The following PLCH1 variants were observed in gnomAD, a reference collection of about 807,000 sequenced individuals.
PLCH1 encodes the protein phospholipase C eta 1, also known as 1-phosphatidylinositol 4,5-bisphosphate phosphodiesterase eta-1.
PLCH1 carries 60 observed loss-of-function variants against 126.7 expected under a neutral mutation model. The ratio of observed to expected loss-of-function variants is 0.47; its 90% CI spans 0.38 to 0.59. The LOEUF (loss-of-function observed/expected upper bound fraction) is 0.59, where lower values mean the gene tolerates loss of function less well. Ranked by LOEUF, PLCH1 falls within the 20% of genes least tolerant of loss-of-function variation. The probability of loss-of-function intolerance (pLI) is 0.00; values close to 1 mark genes in which losing one functional copy is unlikely to be tolerated. For missense variants in PLCH1, 1,723 were observed against 2,040.0 expected (o/e 0.84, Z 2.99); for synonymous variants, 719 against 734.9 (o/e 0.98, Z 0.35).
chr3:155,627,498 G>A (rs1737458693), intron 2 of PLCH1, among the ~76,000 whole-genome samples: 1 of 151,992 alleles, frequency 6.6e-6, no homozygotes, highest in Non-Finnish European at 1.5e-5. Context: ...GCCCGGCGTG[G>A]TGGCGGGTGC....
chr3:155,641,122 C>T (rs888937781), intron 2 of PLCH1, among the ~76,000 whole-genome samples: 1 of 151,634 alleles, frequency 6.6e-6, no homozygotes, highest in Non-Finnish European at 1.5e-5. Flanking sequence ...AAGAATTTAG[C>T]TTTCTACAAT....
chr3:155,539,969 C>A (rs957377279), intron 10 of PLCH1, among the ~76,000 whole-genome samples: 10 of 152,090 alleles, frequency 6.6e-5, no homozygotes, highest in African/African-American at 2.4e-4. Context: ...GGACGCATAA[C>A]ATTACCTGAC....
rs564706495 is a variant in PLCH1, at chr3:155,530,325, ACTT to A, written c.1363-6324_1363-6322del. Among the ~76,000 whole-genome samples, 399 of 147,164 alleles carry A rather than the reference ACTT, an allele frequency of 2.7e-3. 3 individuals are homozygous for A. The highest frequency in any genetic ancestry group is 0.02 in the South Asian group (92 of 4,632). ...GAGATTGCAGCAATCTTCAGGCTCC[ACTT>A]CTTTTTTTTTTTTTTGAGATGGAGT... On this transcript the variant is annotated intron_variant, in intron 10 of 22. Coordinates refer to ENST00000460012, the MANE Select transcript of PLCH1 (RefSeq NM_014996.4).
chr3:155,594,413 T>TA (rs1482414336), intron 3 of PLCH1, among the ~76,000 whole-genome samples: 188 of 147,820 alleles, frequency 1.3e-3, no homozygotes, highest in African/African-American at 3.7e-3. Context: ...TCTGCTAAAA[T>TA]AAAAAAAAAA....
intron 2 of PLCH1, among the ~76,000 whole-genome samples, chr3:155,632,521 C>T (rs1481249176): frequency 6.6e-6 from 1 of 152,152 alleles, no homozygotes; most frequent in Non-Finnish European, 1.5e-5. Flanking sequence ...TTTGCCTTCT[C>T]TTCTGTATTG....
Position 155,506,340 on chromosome 3 carries a change from ACT to A in PLCH1, c.1633-1716_1633-1715del, listed in dbSNP as rs1457539223. ...CTCCAACATTTTCTATCCCATTCTC[ACT>A]CTCTTTTTTTTTTTTTTTTTTTATT... On this transcript the variant is annotated intron_variant, in intron 12 of 22. Coordinates refer to ENST00000460012, the MANE Select transcript of PLCH1 (RefSeq NM_014996.4). 1.5e-3 allele frequency among the ~76,000 whole-genome samples: 180 copies of A among 120,478 alleles called. 1 individual carries two copies. Among genetic ancestry groups the A allele is most frequent in the Non-Finnish European group, 2.6e-3 (152 of 59,058 alleles). 79.0% of individuals were successfully genotyped at this position (120,478 alleles called of 152,430 possible). A position where few individuals can be genotyped will look rare whatever the true frequency, so the allele number is the denominator to read the frequency against.
intron 2 of PLCH1, among the ~76,000 whole-genome samples, chr3:155,607,642 A>G (rs905450301): frequency 6.6e-6 from 1 of 152,102 alleles, no homozygotes; most frequent in Non-Finnish European, 1.5e-5. Flanking sequence ...GGGTTTCACC[A>G]TGTTGGCCAG....
chr3:155,452,308 C>A (rs9289955), intron 21 of PLCH1, among the ~76,000 whole-genome samples: 31,791 of 151,906 alleles, frequency 0.21, 3,546 homozygotes, highest in East Asian at 0.42. Context: ...GGGAATTGCC[C>A]CATGCTTCAA....
rs576504876 is a variant in PLCH1, at chr3:155,511,636, TG to T, written c.1632+3086del. Among the ~76,000 whole-genome samples, 56 of 140,700 alleles carry T rather than the reference TG, an allele frequency of 4.0e-4. 5 individuals carry two copies. In the South Asian group the frequency reaches 0.013, roughly 32 times the overall value. The allele number at this position is 140,700 out of a possible 152,430, so 92.3% of individuals were successfully genotyped here. ...GTGTGAGGTGTCAGTGTGCCCCTGC[TG>T]GGGGGTGCCTCCCAGTTAGGCTGCT... On this transcript the variant is annotated intron_variant, in intron 12 of 22. Coordinates refer to ENST00000460012, the MANE Select transcript of PLCH1 (RefSeq NM_014996.4).
At chr3:155,737,537 C>T (rs1749290649) in intron 1 of PLCH1, among the ~76,000 whole-genome samples, 2 of 151,924 alleles carry the variant, frequency 1.3e-5, no homozygotes, top group Admixed American at 1.3e-4. Flanking sequence ...AAAGGTGGTT[C>T]CCCCTCAAAT....
chr3:155,497,481 A>G, intron 14 of PLCH1, 64 bp from the exon 15 acceptor site: 1 of 1,113,314 alleles, frequency 9.0e-7, no homozygotes, highest in South Asian at 1.3e-5. Context: ...GTTCTTGGTT[A>G]TCCCACTTTC....
At chr3:155,469,553 T>A (rs576885668) in intron 21 of PLCH1, among the ~76,000 whole-genome samples, 25 of 152,300 alleles carry the variant, frequency 1.6e-4, no homozygotes, top group African/African-American at 5.5e-4. Flanking sequence ...GCCAGGAAGC[T>A]CAAACTGGGT....
intron 2 of PLCH1, among the ~76,000 whole-genome samples, chr3:155,609,196 A>G (rs1734748429): frequency 6.6e-6 from 1 of 152,216 alleles, no homozygotes; most frequent in Admixed American, 6.5e-5. Flanking sequence ...GCTAGGAGAC[A>G]TGAAGATGCC....
At position 155,650,843 on chromosome 3, in the gene PLCH1, G is replaced by T. The variant is rs1740627954; in HGVS notation, c.79+53303C>A. Among the ~76,000 whole-genome samples, 4 of 152,162 alleles carry T rather than the reference G, an allele frequency of 2.6e-5. 1 individual carries two copies. In the South Asian group the frequency reaches 8.3e-4, roughly 31 times the overall value. ...ACCTGAGGTCAGGAGTTCGAGACTA[G>T]CCTGGCCAACATGGCAAAACCCCAT... is the stretch of plus-strand genomic sequence containing the variant. On this transcript the variant is annotated intron_variant, in intron 2 of 22. Coordinates refer to ENST00000460012, the MANE Select transcript of PLCH1 (RefSeq NM_014996.4).
At chr3:155,517,342 A>T (rs1214537022) in intron 11 of PLCH1, among the ~76,000 whole-genome samples, 1 of 152,210 alleles carries the variant, frequency 6.6e-6, no homozygotes, top group African/African-American at 2.4e-5. Context: ...TCCTGTGACC[A>T]ATTTAACAAA....
chr3:155,566,580 A>T (rs1318457680), intron 7 of PLCH1, among the ~76,000 whole-genome samples: 2 of 151,922 alleles, frequency 1.3e-5, no homozygotes, highest in African/African-American at 4.8e-5. Context: ...TCAGTGCCAT[A>T]GTTAAGGTAG....
intron 10 of PLCH1, among the ~76,000 whole-genome samples, chr3:155,543,896 C>T (rs1724786771): frequency 6.6e-6 from 1 of 152,004 alleles, no homozygotes; most frequent in Non-Finnish European, 1.5e-5. Flanking sequence ...AAGCGCTAAA[C>T]ATGGAAAGGA....
chr3:155,666,249 T>C (rs901884985), intron 2 of PLCH1, among the ~76,000 whole-genome samples: 2 of 152,208 alleles, frequency 1.3e-5, no homozygotes, highest in East Asian at 1.9e-4. Context: ...CCACTAGTGG[T>C]GTATAAAAGT....
At chr3:155,510,869 G>A (rs1207897796) in intron 12 of PLCH1, among the ~76,000 whole-genome samples, 2 of 94,636 alleles carry the variant, frequency 2.1e-5, no homozygotes, top group Admixed American at 1.1e-4. Context: ...TCTTTGTGGC[G>A]TTCTCTGTAT....
Sources: gnomAD v4.1 joint callset for allele counts (sites outside exome capture counted in the v4.1 genomes callset) on GRCh38, gnomAD v4.1.1 for gene constraint, MANE v1.5 for transcripts, NCBI Gene and HGNC (gene_info 2026-07-23, HGNC 2026-07-21) for gene names.